The following COL14A1 variants were observed in gnomAD, a reference collection of about 807,000 sequenced individuals.
COL14A1 encodes collagen alpha-1(XIV) chain.
In COL14A1, 136 loss-of-function variants were observed where a neutral mutation model predicts 230.3. The ratio of observed to expected loss-of-function variants is 0.59; its 90% CI spans 0.51 to 0.68. The LOEUF (loss-of-function observed/expected upper bound fraction) is 0.68, where lower values mean the gene tolerates loss of function less well. Ranked by LOEUF, COL14A1 falls within the 30% of genes least tolerant of loss-of-function variation. COL14A1 has a pLI of 0.00. For missense variants in COL14A1, 1,976 were observed against 2,215.8 expected (o/e 0.89, Z 2.17); for synonymous variants, 792 against 784.1 (o/e 1.01, Z -0.17).
intron 45 of COL14A1, among the ~76,000 whole-genome samples, chr8:120,348,701 A>T (rs909484310): frequency 1.3e-5 from 2 of 152,188 alleles, no homozygotes; most frequent in African/African-American, 2.4e-5. Context: ...TTTTAAATTC[A>T]CAACTCCATT....
chr8:120,157,289 G>A (rs1030342038), intron 2 of COL14A1, among the ~76,000 whole-genome samples: 9 of 152,164 alleles, frequency 5.9e-5, no homozygotes, highest in African/African-American at 1.9e-4. Flanking sequence ...ATTTTACTTG[G>A]TCTTGAATGC....
chr8:120,169,693 T>G (rs1449282580), intron 5 of COL14A1, among the ~76,000 whole-genome samples: 1 of 152,108 alleles, frequency 6.6e-6, no homozygotes, highest in Non-Finnish European at 1.5e-5. Context: ...TAAAAAATTC[T>G]TGAAAAATGT....
At chr8:120,306,204 A>G (rs1820854018) in intron 36 of COL14A1, among the ~76,000 whole-genome samples, 1 of 152,120 alleles carries the variant, frequency 6.6e-6, no homozygotes, top group Non-Finnish European at 1.5e-5. Flanking sequence ...TTTAGCCAGC[A>G]TTAATACATG....
intron 5 of COL14A1, among the ~76,000 whole-genome samples, chr8:120,189,981 G>C (rs897943088): frequency 6.6e-6 from 1 of 150,830 alleles, no homozygotes; most frequent in East Asian, 1.9e-4. Flanking sequence ...ATGATTTATA[G>C]TCCTTTGGGT....
chr8:120,294,178 T>C (rs1316557688), intron 34 of COL14A1, among the ~76,000 whole-genome samples: 1 of 151,748 alleles, frequency 6.6e-6, no homozygotes, highest in Non-Finnish European at 1.5e-5. Context: ...AATCAGAGAA[T>C]AAAATTTGGC....
intron 46 of COL14A1, 47 bp from the exon 47 acceptor site, chr8:120,369,283 C>T (rs1289210412): frequency 6.9e-7 from 1 of 1,457,690 alleles, no homozygotes; most frequent in Non-Finnish European, 9.1e-7. Flanking sequence ...AAAACTCACC[C>T]TGTTGTGGCA....
chr8:120,166,917 TGTGTGGTGGTGATGATGGTG>T (rs1815910734), intron 4 of COL14A1, among the ~76,000 whole-genome samples: 1 of 145,712 alleles, frequency 6.9e-6, no homozygotes, highest in African/African-American at 2.6e-5. Context: ...TGTGTGTGTG[TGTGTGGTGGTGATGATGGTG>T]GTGGTGGGGG....
chr8:120,158,553 C>T (rs1317145764), intron 3 of COL14A1, among the ~76,000 whole-genome samples: 1 of 152,080 alleles, frequency 6.6e-6, no homozygotes, highest in East Asian at 1.9e-4. Context: ...ACCTGAATGT[C>T]CAATAGTTTT....
intron 5 of COL14A1, among the ~76,000 whole-genome samples, chr8:120,189,596 C>A (rs200968813): frequency 2.0e-5 from 3 of 151,374 alleles, no homozygotes; most frequent in African/African-American, 7.3e-5. Flanking sequence ...AACTTGTCAT[C>A]TAGCATTAGG....
intron 44 of COL14A1, among the ~76,000 whole-genome samples, chr8:120,343,146 G>T (rs1218924089): frequency 6.6e-6 from 1 of 152,116 alleles, no homozygotes; most frequent in African/African-American, 2.4e-5. Context: ...GCACGTTTCT[G>T]CTCTGCCCAC....
At chr8:120,297,966 G>C (rs536486738) in intron 35 of COL14A1, among the ~76,000 whole-genome samples, 1 of 152,006 alleles carries the variant, frequency 6.6e-6, no homozygotes, top group Admixed American at 6.6e-5. Flanking sequence ...CAACTCAGTA[G>C]CCATATAAAA....
At position 120,359,605 on chromosome 8, in the gene COL14A1, A is replaced by G. The variant is rs187197887; in HGVS notation, c.5078-7566A>G. The stretch of plus-strand genomic sequence containing the variant: ...TTGAATAATTTATAATTTTCTTAAT[A>G]GCCAATAGTGGAAATAATATAATAG... On this transcript the variant is annotated intron_variant, in intron 45 of 47. Coordinates refer to ENST00000297848, the MANE Select transcript of COL14A1 (RefSeq NM_021110.4). Among the ~76,000 whole-genome samples the G allele has an allele frequency of 3.9e-5, 6 of 152,364 alleles. No homozygotes were observed. The East Asian group carries it at 1.2e-3, about 29-fold the overall frequency.
intron 1 of COL14A1, among the ~76,000 whole-genome samples, chr8:120,139,447 A>C (rs1196328198): frequency 1.3e-5 from 2 of 152,184 alleles, no homozygotes; most frequent in Non-Finnish European, 2.9e-5. Context: ...TGAAAAGTCT[A>C]AACTGGTTCA....
At chr8:120,169,909 A>G (rs942411332) in intron 5 of COL14A1, among the ~76,000 whole-genome samples, 1 of 152,114 alleles carries the variant, frequency 6.6e-6, no homozygotes, top group East Asian at 1.9e-4. Context: ...GTTAAAACTC[A>G]TTGCTTATTC....
At chr8:120,228,642 G>T (rs1231167835) in intron 17 of COL14A1, 68 bp from the exon 18 acceptor site, 1 of 1,197,700 alleles carries the variant, frequency 8.3e-7, no homozygotes, top group East Asian at 2.3e-5. Flanking sequence ...TTCTTTGAAA[G>T]CTACAACATG....
intron 4 of COL14A1, among the ~76,000 whole-genome samples, chr8:120,166,055 G>T (rs567136645): frequency 1.3e-5 from 2 of 152,268 alleles, no homozygotes; most frequent in South Asian, 4.1e-4. Flanking sequence ...AGGGTCAGTG[G>T]GGCCAGTCAG....
chr8:120,322,337 T>C (rs1402765905), intron 40 of COL14A1, among the ~76,000 whole-genome samples: 2 of 152,122 alleles, frequency 1.3e-5, no homozygotes, highest in Non-Finnish European at 2.9e-5. Flanking sequence ...CATTTACCTA[T>C]GTAACAAACC....
At chr8:120,141,085 T>G (rs927200590) in intron 1 of COL14A1, among the ~76,000 whole-genome samples, 1 of 152,218 alleles carries the variant, frequency 6.6e-6, no homozygotes, top group Non-Finnish European at 1.5e-5. Context: ...GACATTTTGG[T>G]AAATGTTAAA....
At chr8:120,220,208 C>A in intron 14 of COL14A1, among the ~76,000 whole-genome samples, 1 of 151,120 alleles carries the variant, frequency 6.6e-6, no homozygotes. Flanking sequence ...AAGAAATCCT[C>A]AAAAAACATT....
Sources: gnomAD v4.1 joint callset for allele counts (sites outside exome capture counted in the v4.1 genomes callset) on GRCh38, gnomAD v4.1.1 for gene constraint, MANE v1.5 for transcripts, NCBI Gene and HGNC (gene_info 2026-07-23, HGNC 2026-07-21) for gene names.